Variants in GRB14 observed in about 807,000 individuals in gnomAD.
GRB14 encodes the protein growth factor receptor-bound protein 14.
In GRB14, 38 loss-of-function variants were observed where a neutral mutation model predicts 69.1. That is an observed-to-expected ratio of 0.55 (90% CI 0.42 to 0.72). GRB14 has a LOEUF of 0.72. GRB14 is among the 30% of genes least tolerant of loss of function. The pLI is 0.00. For synonymous variants in GRB14, 247 were observed against 241.3 expected, an observed-to-expected ratio of 1.02 and a Z score of -0.22; for missense variants, 666 against 666.1, an observed-to-expected ratio of 1.00 and a Z score of 0.00.
chr2:164,508,515 C>T lies in GRB14; in HGVS notation c.963G>A (p.Met321Ile), dbSNP rs767745087. 3.7e-6 allele frequency: 6 copies of T among 1,613,990 alleles called. No individual in the cohort carries two copies. Among genetic ancestry groups the T allele is most frequent in the Admixed American group, 1.7e-5 (1 of 59,988 alleles). Reference sequence around the variant, plus strand: ...TACTCTGCTCTTCTTCTGCACAGAGCATTTTCAGGTCTCGGGGCCCTCCCG... The same window carrying T: ...TACTCTGCTCTTCTTCTGCACAGAGTATTTTCAGGTCTCGGGGCCCTCCCG... ...NKAGGPRDLK[M>I]LCAEEEQSRT... The change falls in exon 8 of 14, where the codon ATG (methionine) becomes ATA (isoleucine). Residue 321 changes from methionine to isoleucine, a missense_variant. Met to Ile is a conservative substitution (Grantham distance 10). Transcript: ENST00000263915.
At chr2:164,534,557 C>G (rs149803174) in intron 3 of GRB14, among the ~76,000 whole-genome samples, 1 of 152,016 alleles carries the variant, frequency 6.6e-6, no homozygotes, top group Non-Finnish European at 1.5e-5. Context: ...TTGCTGAAGA[C>G]CAACTTTCTC....
chr2:164,516,873 A>C (rs1687503727), intron 6 of GRB14, among the ~76,000 whole-genome samples: 1 of 151,990 alleles, frequency 6.6e-6, no homozygotes, highest in Non-Finnish European at 1.5e-5. Context: ...AAAATACATA[A>C]ATTACCCTGG....
At chr2:164,507,477 T>C (rs973560483) in intron 8 of GRB14, among the ~76,000 whole-genome samples, 1 of 152,202 alleles carries the variant, frequency 6.6e-6, no homozygotes, top group East Asian at 1.9e-4. Context: ...AAGGATTATA[T>C]ATATCTAATA....
intron 6 of GRB14, among the ~76,000 whole-genome samples, chr2:164,515,151 A>G (rs1687447093): frequency 6.6e-6 from 1 of 152,134 alleles, no homozygotes; most frequent in Admixed American, 6.5e-5. Context: ...CAAAGGACAT[A>G]ATCTTTTGGG....
chr2:164,590,666 A>C (rs1689639794), intron 2 of GRB14, among the ~76,000 whole-genome samples: 1 of 152,188 alleles, frequency 6.6e-6, no homozygotes, highest in Non-Finnish European at 1.5e-5. Flanking sequence ...CTACAAGCCT[A>C]ATCATGTCTC....
At chr2:164,550,065 T>C (rs984298826) in intron 2 of GRB14, among the ~76,000 whole-genome samples, 6 of 152,162 alleles carry the variant, frequency 3.9e-5, no homozygotes, top group Admixed American at 6.5e-5. Context: ...ATCTCAGGTA[T>C]GAATATTTCA....
At chr2:164,582,732 T>G (rs909454920) in intron 2 of GRB14, among the ~76,000 whole-genome samples, 22 of 152,288 alleles carry the variant, frequency 1.4e-4, no homozygotes, top group Admixed American at 8.5e-4. Context: ...TTTCAGCTCT[T>G]ACAGTTCACT....
intron 2 of GRB14, among the ~76,000 whole-genome samples, chr2:164,611,270 G>A (rs530448422): frequency 6.6e-6 from 1 of 152,276 alleles, no homozygotes; most frequent in East Asian, 1.9e-4. Context: ...ACAAGTGTAT[G>A]TAGAATGAAC....
chr2:164,568,403 T>C (rs760486582), intron 2 of GRB14: 41 of 1,278,598 alleles, frequency 3.2e-5, no homozygotes, highest in Non-Finnish European at 4.2e-5. Flanking sequence ...AATGATCCTG[T>C]CTCGTAGGTC....
chr2:164,582,655 G>A (rs1010017777), intron 2 of GRB14, among the ~76,000 whole-genome samples: 12 of 152,014 alleles, frequency 7.9e-5, no homozygotes, highest in African/African-American at 2.9e-4. Context: ...TCCTGACTGC[G>A]TGATCCACTC....
At chr2:164,584,504 G>GA (rs1375011260) in intron 2 of GRB14, among the ~76,000 whole-genome samples, 21 of 151,516 alleles carry the variant, frequency 1.4e-4, no homozygotes, top group Admixed American at 1.3e-4. Flanking sequence ...ATATACACTT[G>GA]AAAACAGTTT....
chr2:164,621,036 G>A lies in GRB14; in HGVS notation c.191+83C>T, dbSNP rs2105367854. The A allele has an allele frequency of 5.2e-6, 6 of 1,154,352 alleles. No homozygotes were observed. The highest frequency in any genetic ancestry group is 6.6e-6 in the Non-Finnish European group (6 of 908,412). 71.5% of individuals were successfully genotyped at this position (1,154,352 alleles called of 1,614,324 possible). A position where few individuals can be genotyped will look rare whatever the true frequency, so the allele number is the denominator to read the frequency against. On this transcript the variant is annotated intron_variant, in intron 1 of 13. Coordinates refer to ENST00000263915, the MANE Select transcript of GRB14 (RefSeq NM_004490.3). The surrounding 1 kb of genome is among the most constrained non-coding windows in gnomAD (Gnocchi z 6.0). ...AAACTTGGCCCAGCTCTGGGCACAT[G>A]GCTCACCCCCTAGGACCGCCTCCTC...
chr2:164,598,985 G>T (rs1289383085), intron 2 of GRB14, among the ~76,000 whole-genome samples: 1 of 152,190 alleles, frequency 6.6e-6, no homozygotes, highest in East Asian at 1.9e-4. Context: ...GGAGAGAAGG[G>T]TTTATCTAGG....
chr2:164,568,065 G>A (rs1402698), intron 2 of GRB14, among the ~76,000 whole-genome samples: 82,928 of 151,978 alleles, frequency 0.55, 23,442 homozygotes, highest in Non-Finnish European at 0.62. Flanking sequence ...CTAAATCACA[G>A]TGACCTGAAA....
At chr2:164,599,953 T>C (rs1689875815) in intron 2 of GRB14, among the ~76,000 whole-genome samples, 1 of 152,212 alleles carries the variant, frequency 6.6e-6, no homozygotes, top group Admixed American at 6.5e-5. Context: ...CCAGAATAAT[T>C]TGAATACATG....
At chr2:164,547,612 C>A (rs768731423) in intron 3 of GRB14, 48 bp downstream of exon 3, 1 of 1,484,130 alleles carries the variant, frequency 6.7e-7, no homozygotes, top group East Asian at 2.3e-5. Flanking sequence ...GGGAGCTGAA[C>A]AAGAAATAGA....
intron 9 of GRB14, among the ~76,000 whole-genome samples, chr2:164,501,783 C>T (rs1018494669): frequency 1.3e-5 from 2 of 151,980 alleles, no homozygotes; most frequent in Non-Finnish European, 2.9e-5. Context: ...CATGTGTATA[C>T]TGTAGCTTTT....
chr2:164,531,954 A>G (rs1200860665), intron 3 of GRB14, among the ~76,000 whole-genome samples: 1 of 152,194 alleles, frequency 6.6e-6, no homozygotes, highest in Non-Finnish European at 1.5e-5. Flanking sequence ...GGGCAAGAGT[A>G]TTGTAGTGCC....
intron 2 of GRB14, among the ~76,000 whole-genome samples, chr2:164,588,250 A>G (rs1308088664): frequency 6.6e-6 from 1 of 152,180 alleles, no homozygotes; most frequent in East Asian, 1.9e-4. Context: ...AACTAACAAT[A>G]TTGCCCAGCC....
Sources: gnomAD v4.1 joint callset for allele counts (sites outside exome capture counted in the v4.1 genomes callset) on GRCh38, gnomAD v4.1.1 for gene constraint, Gnocchi (gnomAD v3.1) non-coding constraint, MANE v1.5 for transcripts, NCBI Gene and HGNC (gene_info 2026-07-23, HGNC 2026-07-21) for gene names.